Variants in ROS1 observed in about 807,000 individuals in gnomAD.
ROS1 encodes proto-oncogene tyrosine-protein kinase ROS.
In ROS1, 263 loss-of-function variants were observed where a neutral mutation model predicts 273.5. The observed-to-expected ratio is 0.96, with a 90% CI of 0.87 to 1.06. The LOEUF (loss-of-function observed/expected upper bound fraction) is 1.06, where lower values mean the gene tolerates loss of function less well. Among genes scored for constraint, ROS1 ranks in the 50% least tolerant of loss-of-function variants. The probability of loss-of-function intolerance (pLI) is 0.00; values close to 1 mark genes in which losing one functional copy is unlikely to be tolerated. For missense variants in ROS1, 2,833 were observed against 2,751.1 expected (o/e 1.03, Z -0.67); for synonymous variants, 1,008 against 954.1 (o/e 1.06, Z -1.04).
At chr6:117,398,191 C>T (rs768633760) in intron 7 of ROS1, among the ~76,000 whole-genome samples, 21 of 151,994 alleles carry the variant, frequency 1.4e-4, no homozygotes, top group Non-Finnish European at 2.8e-4. Context: ...AGGGTCAATG[C>T]CCAAATGTGA....
chr6:117,369,559 G>A (rs1247118880), intron 18 of ROS1, among the ~76,000 whole-genome samples: 2 of 151,620 alleles, frequency 1.3e-5, no homozygotes, highest in Non-Finnish European at 2.9e-5. Context: ...GCGACAGAGC[G>A]AGACTCCATC....
chr6:117,334,622 T>G (rs1562282732), intron 32 of ROS1, among the ~76,000 whole-genome samples: 1 of 152,098 alleles, frequency 6.6e-6, no homozygotes, highest in East Asian at 1.9e-4. Context: ...TAACACAGCA[T>G]GGTACTGGTA....
rs1280879862 is a variant in ROS1 at position 117,387,920 on chromosome 6, A to G, written c.1859T>C (p.Ile620Thr). 8.7e-6 allele frequency: 14 copies of G among 1,614,226 alleles called. No homozygotes were observed. The highest frequency in any genetic ancestry group is 1.2e-5 in the Non-Finnish European group (14 of 1,180,028). ...STQDPPEVTH[I>T]FLNISGTMLN... Reference sequence around the variant, plus strand: ...CATGGTTCCACTTATGTTCAAGAAAATATGAGTGACTTCAGGAGGGTCTTG... The same window carrying G: ...CATGGTTCCACTTATGTTCAAGAAAGTATGAGTGACTTCAGGAGGGTCTTG... Residue 620 changes from isoleucine to threonine, a missense_variant, in exon 14 of 44, where the codon ATT becomes ACT. Coordinates refer to ENST00000368507, the MANE Select transcript of ROS1 (RefSeq NM_001378902.1).
rs1773556330 is a variant in ROS1 at position 117,287,970 on chromosome 6, C to A, written c.*522G>T. ...GATAATATATATATCATTGCAGTAA[C>A]AGCTTTCCAAGTGATTTCTCAAGTC... On this transcript the variant is annotated 3_prime_UTR_variant, in exon 44 of 44. Coordinates refer to ENST00000368507, the MANE Select transcript of ROS1 (RefSeq NM_001378902.1). Among the ~76,000 whole-genome samples the A allele has an allele frequency of 6.6e-6, 1 of 151,292 alleles. No individual in the cohort carries two copies. Among genetic ancestry groups the A allele is most frequent in the Admixed American group, 6.6e-5 (1 of 15,158 alleles).
chr6:117,369,152 C>A (rs764775668), intron 18 of ROS1, among the ~76,000 whole-genome samples: 1 of 152,112 alleles, frequency 6.6e-6, no homozygotes, highest in Non-Finnish European at 1.5e-5. Context: ...TATAAAACTT[C>A]TTTTTTTCCT....
chr6:117,333,687 T>C (rs376312834), intron 32 of ROS1, among the ~76,000 whole-genome samples: 2 of 152,222 alleles, frequency 1.3e-5, no homozygotes, highest in East Asian at 1.9e-4. Context: ...ATTCAACATA[T>C]GCAAATCAAT....
chr6:117,359,085 A>G (rs1281439463), intron 24 of ROS1, among the ~76,000 whole-genome samples: 1 of 151,238 alleles, frequency 6.6e-6, no homozygotes, highest in East Asian at 1.9e-4. Context: ...CTTTCACTCC[A>G]CTCTCATCCA....
chr6:117,327,569 A>T (rs543797037), intron 33 of ROS1, among the ~76,000 whole-genome samples: 4 of 152,334 alleles, frequency 2.6e-5, no homozygotes, highest in African/African-American at 9.6e-5. Context: ...TAATTCACTG[A>T]GTCCACAACA....
intron 7 of ROS1, among the ~76,000 whole-genome samples, chr6:117,397,469 G>C (rs192505705): frequency 6.6e-6 from 1 of 152,258 alleles, no homozygotes; most frequent in Non-Finnish European, 1.5e-5. Flanking sequence ...GAAGAGGAGA[G>C]TCTGACTAAA....
intron 24 of ROS1, 95 bp from the exon 25 acceptor site, chr6:117,358,104 C>T (rs1582726956): frequency 1.3e-6 from 1 of 775,346 alleles, no homozygotes; most frequent in East Asian, 2.7e-5. Context: ...GTTTACTGCA[C>T]TTCTCATTTG....
At chr6:117,315,334 C>T (rs767504629) in intron 39 of ROS1, among the ~76,000 whole-genome samples, 16 of 151,684 alleles carry the variant, frequency 1.1e-4, no homozygotes, top group Non-Finnish European at 1.8e-4. Flanking sequence ...ATAAGGAATT[C>T]TATTCATTAT....
chr6:117,364,680 T>C (rs1780061334), intron 21 of ROS1, among the ~76,000 whole-genome samples: 1 of 152,216 alleles, frequency 6.6e-6, no homozygotes, highest in African/African-American at 2.4e-5. Flanking sequence ...AATTTAGATA[T>C]CAGTTATTCA....
chr6:117,289,935 A>G (rs941394657), intron 43 of ROS1, among the ~76,000 whole-genome samples: 12 of 152,186 alleles, frequency 7.9e-5, no homozygotes, highest in Non-Finnish European at 1.5e-5. Flanking sequence ...ATAGCAATGG[A>G]AAATATTTTT....
At chr6:117,398,093 T>G (rs578080331) in intron 7 of ROS1, among the ~76,000 whole-genome samples, 4 of 152,170 alleles carry the variant, frequency 2.6e-5, no homozygotes, top group Non-Finnish European at 4.4e-5. Context: ...CTCGGCTCCA[T>G]GTAGTCAGTC....
At chr6:117,323,703 T>C (rs546631) in intron 35 of ROS1, among the ~76,000 whole-genome samples, 25,436 of 152,168 alleles carry the variant, frequency 0.17, 2,252 homozygotes, top group East Asian at 0.22. Flanking sequence ...TGCATTTTAT[T>C]ATCATTAAAG....
intron 7 of ROS1, 27 bp downstream of exon 7, chr6:117,403,112 T>G (rs762320734): frequency 4.3e-6 from 7 of 1,611,916 alleles, no homozygotes; most frequent in Non-Finnish European, 5.9e-6. Flanking sequence ...ATAATGTCCT[T>G]TCATAAGAAA....
chr6:117,364,991 A>T, intron 21 of ROS1, 69 bp downstream of exon 21: 1 of 1,434,444 alleles, frequency 7.0e-7, no homozygotes, highest in South Asian at 1.2e-5. Flanking sequence ...AATATCAACT[A>T]TCCATTCCAG....
chr6:117,306,741 T>G (rs1402206595), intron 42 of ROS1, among the ~76,000 whole-genome samples: 1 of 152,122 alleles, frequency 6.6e-6, no homozygotes, highest in African/African-American at 2.4e-5. Flanking sequence ...AAATATCAGT[T>G]CCCTCTGTAC....
intron 42 of ROS1, among the ~76,000 whole-genome samples, chr6:117,304,840 C>A (rs1774986804): frequency 6.6e-6 from 1 of 152,108 alleles, no homozygotes; most frequent in South Asian, 2.1e-4. Context: ...AGATTTCCAC[C>A]TTGCTGCTTT....
Sources: gnomAD v4.1 joint callset for allele counts (sites outside exome capture counted in the v4.1 genomes callset) on GRCh38, gnomAD v4.1.1 for gene constraint, MANE v1.5 for transcripts, NCBI Gene and HGNC (gene_info 2026-07-23, HGNC 2026-07-21) for gene names.